Variants in CHKB observed in about 807,000 individuals in gnomAD.
CHKB encodes the protein choline/ethanolamine kinase.
In CHKB, 45 loss-of-function variants were observed where a neutral mutation model predicts 57.3. The ratio of observed to expected loss-of-function variants is 0.79; its 90% CI spans 0.62 to 1.01. CHKB has a LOEUF of 1.01. Ranked by LOEUF, CHKB falls within the 50% of genes least tolerant of loss-of-function variation. The pLI is 0.00. For missense variants in CHKB, 517 were observed against 502.8 expected (o/e 1.03, Z -0.27); for synonymous variants, 224 against 201.8 (o/e 1.11, Z -0.93).
chr22:50,580,505 CT>C, intron 5 of CHKB, 59 bp downstream of exon 5: 1 of 1,610,984 alleles, frequency 6.2e-7, no homozygotes, highest in Non-Finnish European at 8.5e-7. Flanking sequence ...GACACCAGCC[CT>C]CAGCAACTAC....
At position 50,582,753 on chromosome 22, in the gene CHKB, C is replaced by T; in HGVS notation, c.29G>A (p.Gly10Glu). ...CAGGCAGCCGCCAACAGCCCCGCTT[C>T]CGGCCACAGCTGTCGCCTCGGCCGC... Reference protein sequence around the residue: MAAEATAVAGSGAVGGCLAK... With the variant: MAAEATAVAESGAVGGCLAK... Residue 10 changes from glycine to glutamate, a missense_variant, in exon 1 of 11, where the codon GGA becomes GAA. Gly to Glu is a moderately conservative substitution (Grantham distance 98). Transcript: ENST00000406938. 1 of 1,590,912 alleles carries T rather than the reference C, an allele frequency of 6.3e-7. No individual in the cohort carries two copies. The highest frequency in any genetic ancestry group is 1.1e-5 in the South Asian group (1 of 88,600).
At position 50,580,358 on chromosome 22, in the gene CHKB, C is replaced by T; in HGVS notation, c.736G>A (p.Gly246Arg). ...VVFCHNDIQE[G>R]NILLLSEPEN... ...AGGAGACTCAGATGCCTTCTCCTAC[C>T]TTCCTGGATGTCATTGTGGCAGAAG... Residue 246 changes from glycine (G) to arginine (R), a missense_variant and splice_region_variant, in exon 6 of 11, where the codon GGG becomes AGG. Transcript: ENST00000406938. 1 of 1,614,022 alleles carries T rather than the reference C, an allele frequency of 6.2e-7. No individual in the cohort carries two copies. Among genetic ancestry groups the T allele is most frequent in the Non-Finnish European group, 8.5e-7 (1 of 1,180,024 alleles).
At chr22:50,581,696 G>T in intron 3 of CHKB, 53 bp downstream of exon 3, 1 of 1,582,606 alleles carries the variant, frequency 6.3e-7, no homozygotes, top group Non-Finnish European at 8.7e-7. Context: ...CACTGGGGTA[G>T]GGTTAGGGGG....
In CHKB at chr22:50,579,752, C is replaced by G; in HGVS notation, c.1006G>C (p.Glu336Gln). The change falls in exon 9 of 11, where the codon GAA becomes CAA. Residue 336 changes from glutamate to glutamine, a missense_variant. Glu to Gln is a conservative substitution (Grantham distance 29). Coordinates refer to ENST00000406938, the MANE Select transcript of CHKB (RefSeq NM_005198.5). ...LSQEEQRKLE[E>Q]DLLVEVSRYA... ...CGACTGACTTCTACCAGCAAATCTT[C>G]TTCCAGTTTTCTCTGCTCCTCTTGG... The G allele has an allele frequency of 6.2e-7, 1 of 1,614,106 alleles. No homozygotes were observed. The highest frequency in any genetic ancestry group is 1.3e-5 in the African/African-American group (1 of 75,044).
In CHKB at chr22:50,580,383, G is replaced by A. The variant is rs773724394; in HGVS notation, c.711C>T (p.Val237=). The A allele has an allele frequency of 1.5e-5, 25 of 1,613,928 alleles. No homozygotes were observed. The highest frequency in any genetic ancestry group is 5.0e-5 in the Admixed American group (3 of 60,008). ...KLLESTPSPV[V]FCHNDIQEGN... ...CTTCCTGGATGTCATTGTGGCAGAAGACGACTGGCGATGGGGTAGACTCTA... is the reference window on the plus strand; with the variant it reads ...CTTCCTGGATGTCATTGTGGCAGAAAACGACTGGCGATGGGGTAGACTCTA... The change falls in exon 6 of 11, where the codon GTC becomes GTT. Residue 237 remains valine (V), a synonymous_variant. Coordinates refer to ENST00000406938, the MANE Select transcript of CHKB (RefSeq NM_005198.5).
Position 50,582,155 on chromosome 22 carries a change from T to G in CHKB, c.333+94A>C, listed in dbSNP as rs373168311. On this transcript the variant is annotated intron_variant, in intron 2 of 10. Transcript: ENST00000406938. ...GTGTTACTCAGACCGTGAACCTCGGTGTCCTCAACTGCGCAACGGGAACAA... is the reference window on the plus strand; with the variant it reads ...GTGTTACTCAGACCGTGAACCTCGGGGTCCTCAACTGCGCAACGGGAACAA... The G allele has an allele frequency of 4.6e-3, 5,282 of 1,140,620 alleles. 17 individuals are homozygous for G. Among genetic ancestry groups the G allele is most frequent in the Middle Eastern group, 0.012 (42 of 3,546 alleles). The allele number at this position is 1,140,620 out of a possible 1,614,324, so 70.7% of individuals were successfully genotyped here.
At position 50,580,608 on chromosome 22, in the gene CHKB, G is replaced by A; in HGVS notation, c.634C>T (p.Leu212=). Reference sequence around the variant, plus strand: ...TCCTTCAGGCTGTACATCTCCAGCAGGTTCATCTCAGGGAGGCCAGTTGGG... The same window carrying A: ...TCCTTCAGGCTGTACATCTCCAGCAAGTTCATCTCAGGGAGGCCAGTTGGG... ...LPPTGLPEMN[L]LEMYSLKDEM... The change falls in exon 5 of 11, where the codon CTG becomes TTG. Residue 212 remains leucine, a synonymous_variant. Transcript: ENST00000406938. The A allele has an allele frequency of 6.2e-7, 1 of 1,614,134 alleles. No individual in the cohort carries two copies. Among genetic ancestry groups the A allele is most frequent in the Non-Finnish European group, 8.5e-7 (1 of 1,180,008 alleles).
intron 4 of CHKB, 56 bp downstream of exon 4, chr22:50,581,364 C>A: frequency 6.2e-7 from 1 of 1,605,606 alleles, no homozygotes. Flanking sequence ...GACACATCCG[C>A]TGGCATGGAG....
intron 2 of CHKB, 90 bp downstream of exon 2, chr22:50,582,156 GTCC>G (rs1251391033): frequency 2.0e-5 from 23 of 1,165,274 alleles, no homozygotes; most frequent in Non-Finnish European, 2.9e-5. Flanking sequence ...GAACCTCGGT[GTCC>G]TCAACTGCGC....
Position 50,582,611 on chromosome 22 carries a change from C to G in CHKB, c.171G>C (p.Leu57Phe). The change falls in exon 1 of 11, where the codon TTG (leucine) becomes TTC (phenylalanine). Residue 57 changes from leucine (L) to phenylalanine (F), a missense_variant. Transcript: ENST00000406938. ...RRAYQWCREYLGGAWRRVQPE... is the reference protein window; with the variant it reads ...RRAYQWCREYFGGAWRRVQPE... The stretch of plus-strand genomic sequence containing the variant: ...GCTGCACTCGGCGCCAGGCCCCGCC[C>G]AAGTACTCCCGGCACCATTGGTAGG... 1 of 1,611,240 alleles carries G rather than the reference C, an allele frequency of 6.2e-7. No homozygotes were observed. The highest frequency in any genetic ancestry group is 8.5e-7 in the Non-Finnish European group (1 of 1,179,366).
chr22:50,581,772 C>T lies in CHKB; in HGVS notation c.424G>A (p.Gly142Ser), dbSNP rs1197735609. 3.1e-6 allele frequency: 5 copies of T among 1,613,822 alleles called. No homozygotes were observed. The highest frequency in any genetic ancestry group is 4.2e-6 in the Non-Finnish European group (5 of 1,180,006). ...GPQLYGVFPE[G>S]RLEQYIPSRP... ...ACTGGGATGTACTGTTCCAGCCGGC[C>T]CTCTGGGAAGACTCCGTACAGCTGG... Residue 142 changes from glycine to serine, a missense_variant, in exon 3 of 11, where the codon GGC becomes AGC. Coordinates refer to ENST00000406938, the MANE Select transcript of CHKB (RefSeq NM_005198.5).
chr22:50,580,068 C>A lies in CHKB; in HGVS notation c.833G>T (p.Gly278Val), dbSNP rs1569052784. Reference protein sequence around the residue: ...SSYNYRGFDIGNHFCEWVYDY... With the variant: ...SSYNYRGFDIVNHFCEWVYDY... ...ATAAACCCACTCACAAAAATGGTTC[C>A]CAATGTCAAAGCCCCTGGGAGAATA... is the stretch of plus-strand genomic sequence containing the variant. Residue 278 changes from glycine (G) to valine (V), a missense_variant, in exon 8 of 11, where the codon GGG becomes GTG. By Grantham distance (109) the Gly-to-Val change is moderately radical. Coordinates refer to ENST00000406938, the MANE Select transcript of CHKB (RefSeq NM_005198.5). 1 of 1,613,964 alleles carries A rather than the reference C, an allele frequency of 6.2e-7. No homozygotes were observed. The highest frequency in any genetic ancestry group is 1.7e-5 in the Admixed American group (1 of 60,024).
chr22:50,579,425 C>T lies in CHKB; in HGVS notation c.1113+1G>A. On this transcript the variant is annotated splice_donor_variant, in intron 10 of 10. Transcript: ENST00000406938. LOFTEE classifies it high-confidence loss of function. The stretch of plus-strand genomic sequence containing the variant: ...GCATTCCCATCCCCAGGGTCACTTA[C>T]CAAGTAACCAAATTCTATGGTGGAC... 1 of 1,612,614 alleles carries T rather than the reference C, an allele frequency of 6.2e-7. No homozygotes were observed. The highest frequency in any genetic ancestry group is 1.7e-5 in the Admixed American group (1 of 59,918).
Position 50,582,802 on chromosome 22 carries a change from C to G in CHKB, c.-21G>C, listed in dbSNP as rs1266780645. 4.5e-6 allele frequency: 7 copies of G among 1,543,574 alleles called. No individual in the cohort carries two copies. Among genetic ancestry groups the G allele is most frequent in the South Asian group, 2.4e-5 (2 of 84,478 alleles). ...GCCATGGCGCGGGCTCGACCGGGCC[C>G]CAGGCCAGGCTGCGCTCCGCTCCCT... On this transcript the variant is annotated 5_prime_UTR_variant, in exon 1 of 11. Coordinates refer to ENST00000406938, the MANE Select transcript of CHKB (RefSeq NM_005198.5).
At chr22:50,581,343 A>C (rs2070686124) in intron 4 of CHKB, 77 bp downstream of exon 4, 1 of 1,581,368 alleles carries the variant, frequency 6.3e-7, no homozygotes, top group Admixed American at 1.7e-5. Flanking sequence ...GGAGGGCTGG[A>C]TAGAGCCCCC....
chr22:50,579,195 G>C lies in CHKB; in HGVS notation c.1174C>G (p.His392Asp), dbSNP rs969288304. ...GGAGGGTGGAGTCAGGATGAGGAGT[G>C]GACACTGGTCAGCTGCCCCTTCTGC... ...FQQKGQLTSVHSSS is the reference protein window; with the variant it reads ...FQQKGQLTSVDSSS The change falls in exon 11 of 11, where the codon CAC (histidine) becomes GAC (aspartate). Residue 392 changes from histidine to aspartate, a missense_variant. Physicochemically the swap from His to Asp is moderately conservative, Grantham distance 81 (BLOSUM62 -1). Coordinates refer to ENST00000406938, the MANE Select transcript of CHKB (RefSeq NM_005198.5). 6.2e-7 allele frequency: 1 copy of C among 1,613,552 alleles called. No individual in the cohort carries two copies. The highest frequency in any genetic ancestry group is 8.5e-7 in the Non-Finnish European group (1 of 1,179,836).
intron 3 of CHKB, 44 bp downstream of exon 3, chr22:50,581,705 G>A: frequency 6.3e-7 from 1 of 1,587,114 alleles, no homozygotes; most frequent in Non-Finnish European, 8.7e-7. Flanking sequence ...AGGGTTAGGG[G>A]GTGGAGGTGC....
rs763737224 is a variant in CHKB, at chr22:50,581,421, G to A, written c.580C>T (p.Arg194Trp). Residue 194 changes from arginine (R) to tryptophan (W), a missense_variant and splice_region_variant, in exon 4 of 11, where the codon CGG becomes TGG. Physicochemically the swap from Arg to Trp is moderately radical, Grantham distance 101 (BLOSUM62 -3). Coordinates refer to ENST00000406938, the MANE Select transcript of CHKB (RefSeq NM_005198.5). ...GCCCTGAGGAGGCTCCTGACTCACC[G>A]CTCCATGGTCCCAAACAGCCAGTGG... ...EPHWLFGTME[R>W]YLKQIQDLPP... is the part of the protein sequence containing the mutation. 2.0e-5 allele frequency: 32 copies of A among 1,613,030 alleles called. No homozygotes were observed. Among genetic ancestry groups the A allele is most frequent in the African/African-American group, 4.0e-5 (3 of 74,932 alleles).
At chr22:50,582,169 C>T in intron 2 of CHKB, 80 bp downstream of exon 2, 2 of 1,306,530 alleles carry the variant, frequency 1.5e-6, no homozygotes, top group Non-Finnish European at 2.2e-6. Flanking sequence ...CTCAACTGCG[C>T]AACGGGAACA....
Sources: gnomAD v4.1 joint callset for allele counts on GRCh38, gnomAD v4.1.1 for gene constraint, MANE v1.5 for transcripts, NCBI Gene and HGNC (gene_info 2026-07-23, HGNC 2026-07-21) for gene names.